Variants in CLCNKA observed in about 807,000 individuals in gnomAD.
CLCNKA encodes the protein chloride voltage-gated channel Ka.
Under a neutral mutation model 83.3 loss-of-function variants are expected in CLCNKA, and 66 were observed. The ratio of observed to expected loss-of-function variants is 0.79; its 90% CI spans 0.65 to 0.97. CLCNKA has a LOEUF of 0.97. CLCNKA is among the 50% of genes least tolerant of loss of function. The pLI is 0.00. For missense variants in CLCNKA, 806 were observed against 888.7 expected (o/e 0.91, Z 1.18); for synonymous variants, 357 against 370.4 (o/e 0.96, Z 0.42).
In CLCNKA at chr1:16,032,506, T is replaced by C. The variant is rs2022668120; in HGVS notation, c.1909T>C (p.Ser637Pro). The change falls in exon 18 of 20, where the codon TCA becomes CCA. Residue 637 changes from serine to proline, a missense_variant. Coordinates refer to ENST00000331433, the MANE Select transcript of CLCNKA (RefSeq NM_004070.4). ...GGAACCAGTGACCCTGACGCTATTCTCAGAGACCACCTTGCACCAGGTAAC... is the reference window on the plus strand; with the variant it reads ...GGAACCAGTGACCCTGACGCTATTCCCAGAGACCACCTTGCACCAGGTAAC... ...PTEPVTLTLF[S>P]ETTLHQAQNL... 6.2e-7 allele frequency: 1 copy of C among 1,612,970 alleles called. No individual in the cohort carries two copies. Among genetic ancestry groups the C allele is most frequent in the South Asian group, 1.1e-5 (1 of 91,084 alleles).
intron 3 of CLCNKA, among the ~76,000 whole-genome samples, 192 bp downstream of exon 3, chr1:16,024,120 G>C (rs1462069911): frequency 6.6e-6 from 1 of 152,208 alleles, no homozygotes; most frequent in Non-Finnish European, 1.5e-5. Context: ...CTCCTCAGCC[G>C]CACAAGGAAG....
At chr1:16,029,083 G>GC in intron 11 of CLCNKA, 43 bp from the exon 12 acceptor site, 1 of 1,337,432 alleles carries the variant, frequency 7.5e-7, no homozygotes. Flanking sequence ...GTCTGCCGCT[G>GC]GGGGGGGCCC....
At chr1:16,022,765 C>T (rs774413967) in intron 2 of CLCNKA, 46 bp downstream of exon 2, 36 of 1,334,258 alleles carry the variant, frequency 2.7e-5, no homozygotes, top group Middle Eastern at 3.8e-4. Context: ...CCACTCAGGA[C>T]ATCATTCCTG....
At chr1:16,029,674 T>G (rs760900946) in intron 12 of CLCNKA, 57 bp from the exon 13 acceptor site, 82 of 1,601,422 alleles carry the variant, frequency 5.1e-5, no homozygotes, top group Middle Eastern at 1.6e-4. Flanking sequence ...TGTCTTCTCT[T>G]GTCCACACCT....
At chr1:16,032,392 A>G in intron 17 of CLCNKA, 51 bp from the exon 18 acceptor site, 1 of 1,562,484 alleles carries the variant, frequency 6.4e-7, no homozygotes. Flanking sequence ...GGTCTGAGAG[A>G]GGCATCCTGG....
Position 16,026,686 on chromosome 1 carries a change from G to T in CLCNKA, c.577-11G>T, listed in dbSNP as rs367613620. 1.2e-6 allele frequency: 2 copies of T among 1,613,544 alleles called. No homozygotes were observed. Among genetic ancestry groups the T allele is most frequent in the Admixed American group, 3.3e-5 (2 of 60,002 alleles). The stretch of plus-strand genomic sequence containing the variant: ...GGGGCTGACTCTGAGCCCTGGACTC[G>T]GATCCCCCAGAACAAGAGCAAGCAA... On this transcript the variant is annotated splice_polypyrimidine_tract_variant and intron_variant, in intron 6 of 19. Transcript: ENST00000331433.
rs1557450812 is a variant in CLCNKA, at chr1:16,026,933, CG to C, written c.655+162del. ...GGGTATAGCCACCCCCCGGGGGCGG[CG>C]GGGCGGGGCGGGTGGTTGGGGGCGT... On this transcript the variant is annotated intron_variant, in intron 7 of 19. Transcript: ENST00000331433. 4 of 926,484 alleles carry C rather than the reference CG, an allele frequency of 4.3e-6. No individual in the cohort carries two copies. In the East Asian group the frequency reaches 1.1e-4, roughly 24 times the overall value. 57.4% of individuals were successfully genotyped at this position (926,484 alleles called of 1,614,324 possible).
intron 15 of CLCNKA, among the ~76,000 whole-genome samples, 165 bp downstream of exon 15, chr1:16,030,839 C>T (rs2022596740): frequency 6.6e-6 from 1 of 152,238 alleles, no homozygotes; most frequent in Non-Finnish European, 1.5e-5. Context: ...CTCCCCAGTG[C>T]CCTGGGTGAC....
intron 7 of CLCNKA, 141 bp downstream of exon 7, chr1:16,026,916 C>A: frequency 8.7e-7 from 1 of 1,150,642 alleles, no homozygotes; most frequent in Non-Finnish European, 1.3e-6. Flanking sequence ...TTGGGTATAG[C>A]CACCCCCCGG....
At position 16,023,867 on chromosome 1, in the gene CLCNKA, C is replaced by T. The variant is rs1300647692; in HGVS notation, c.168C>T (p.Leu56=). ...LGEDWYFLMT[L]GVLMALVSYA... is the part of the protein sequence containing the mutation. ...AAGACTGGTACTTCCTGATGACCCT[C>T]GGGGTGCTCATGGCCCTGGTCAGCT... The change falls in exon 3 of 20, where the codon CTC becomes CTT. Residue 56 remains leucine (L), a synonymous_variant. Transcript: ENST00000331433. The T allele has an allele frequency of 1.3e-5, 21 of 1,614,038 alleles. No homozygotes were observed. The highest frequency in any genetic ancestry group is 1.6e-4 in the Middle Eastern group (1 of 6,084).
chr1:16,028,198 C>T, intron 10 of CLCNKA, 79 bp downstream of exon 10: 1 of 1,352,988 alleles, frequency 7.4e-7, no homozygotes. Flanking sequence ...AGCCCCACCC[C>T]CATCCTCCCA....
At position 16,029,718 on chromosome 1, in the gene CLCNKA, C is replaced by G. The variant is rs773659264; in HGVS notation, c.1228-13C>G. Reference sequence around the variant, plus strand: ...GGCCTCTAACCTCTGCCCTGGGCTCCCCCTTCCTGCAGTTCTGGATGCTGA... The same window carrying G: ...GGCCTCTAACCTCTGCCCTGGGCTCGCCCTTCCTGCAGTTCTGGATGCTGA... On this transcript the variant is annotated splice_polypyrimidine_tract_variant and intron_variant, in intron 12 of 19. Transcript: ENST00000331433. 4.3e-6 allele frequency: 7 copies of G among 1,614,004 alleles called. No individual in the cohort carries two copies. Among genetic ancestry groups the G allele is most frequent in the Non-Finnish European group, 8.5e-7 (1 of 1,180,030 alleles).
intron 5 of CLCNKA, 54 bp from the exon 6 acceptor site, chr1:16,026,482 T>G: frequency 6.3e-7 from 1 of 1,586,698 alleles, no homozygotes; most frequent in Non-Finnish European, 8.5e-7. Context: ...CCGTGCTGCC[T>G]CGGGGTGAGA....
chr1:16,027,568 C>A, intron 8 of CLCNKA, 133 bp downstream of exon 8: 1 of 1,506,050 alleles, frequency 6.6e-7, no homozygotes, highest in Non-Finnish European at 9.0e-7. Flanking sequence ...CGTGTTCCCA[C>A]CTCCTTCAGG....
At chr1:16,029,865 T>C in intron 13 of CLCNKA, 65 bp downstream of exon 13, 1 of 1,607,868 alleles carries the variant, frequency 6.2e-7, no homozygotes, top group African/African-American at 1.3e-5. Flanking sequence ...TGCATCCTGG[T>C]TCACCCTCTT....
At position 16,032,816 on chromosome 1, in the gene CLCNKA, C is replaced by T. The variant is rs377184716; in HGVS notation, c.1929+290C>T. On this transcript the variant is annotated intron_variant, in intron 18 of 19. Coordinates refer to ENST00000331433, the MANE Select transcript of CLCNKA (RefSeq NM_004070.4). ...CACGTGCGTTTCAATTTCAGGTCCA[C>T]CCCATTTTGCCTGTGTGATCTTGGA... Among the ~76,000 whole-genome samples the T allele has an allele frequency of 7.2e-5, 11 of 152,356 alleles. No individual in the cohort carries two copies. In the South Asian group the frequency reaches 1.4e-3, roughly 20 times the overall value.
In CLCNKA at chr1:16,023,667, C is replaced by T. The variant is rs57147817; in HGVS notation, c.101-133C>T. 5,556 of 997,568 alleles carry T rather than the reference C, an allele frequency of 5.6e-3. 183 individuals carry two copies. The African/African-American group carries it at 0.074, about 13-fold the overall frequency. 61.8% of individuals were successfully genotyped at this position (997,568 alleles called of 1,614,324 possible). A position where few individuals can be genotyped will look rare whatever the true frequency, so the allele number is the denominator to read the frequency against. On this transcript the variant is annotated intron_variant, in intron 2 of 19. Coordinates refer to ENST00000331433, the MANE Select transcript of CLCNKA (RefSeq NM_004070.4). ...AACTTGCATTCCTCTCTGACTCAGG[C>T]GGGGCCCCCTCAGGACTACCCCAGA...
In CLCNKA at chr1:16,024,950, G is replaced by T. The variant is rs981302922; in HGVS notation, c.358+59G>T. ...CCAAAACCTTCTCAGATCCCAGGGGGCTTCTGATGGGGGGAATCGGGAAGC... is the reference window on the plus strand; with the variant it reads ...CCAAAACCTTCTCAGATCCCAGGGGTCTTCTGATGGGGGGAATCGGGAAGC... On this transcript the variant is annotated intron_variant, in intron 4 of 19. Coordinates refer to ENST00000331433, the MANE Select transcript of CLCNKA (RefSeq NM_004070.4). The T allele has an allele frequency of 2.5e-6, 4 of 1,607,004 alleles. No homozygotes were observed. The African/African-American group carries it at 5.3e-5, about 21-fold the overall frequency.
At chr1:16,031,684 C>A (rs374214823) in intron 15 of CLCNKA, 26 bp from the exon 16 acceptor site, 35 of 1,613,334 alleles carry the variant, frequency 2.2e-5, no homozygotes, top group South Asian at 9.9e-5. Context: ...GACTCCGGGA[C>A]CTGATGGGAG....
Sources: allele counts gnomAD v4.1 joint callset (sites outside exome capture counted in the v4.1 genomes callset), GRCh38; gene constraint gnomAD v4.1.1; transcripts MANE v1.5; gene names NCBI Gene and HGNC (gene_info 2026-07-23, HGNC 2026-07-21).